DDX24: variants seen among roughly 807,000 people sequenced by gnomAD.
The protein encoded by DDX24 is ATP-dependent RNA helicase DDX24.
DDX24 carries 24 observed loss-of-function variants against 68.9 expected under a neutral mutation model. The ratio of observed to expected loss-of-function variants is 0.35; its 90% CI spans 0.25 to 0.49. The LOEUF (loss-of-function observed/expected upper bound fraction) is 0.49. Ranked by LOEUF, DDX24 falls within the 20% of genes least tolerant of loss-of-function variation. The probability of loss-of-function intolerance (pLI) is 0.99; values close to 1 mark genes in which losing one functional copy is unlikely to be tolerated. For synonymous variants in DDX24, 395 were observed against 385.2 expected, an observed-to-expected ratio of 1.03 and a Z score of -0.30; for missense variants, 989 against 1,039.0, an observed-to-expected ratio of 0.95 and a Z score of 0.66.
chr14:94,060,662 G>A (rs1315944071), intron 4 of DDX24, 49 bp from the exon 5 acceptor site: 4 of 1,587,514 alleles, frequency 2.5e-6, no homozygotes, highest in East Asian at 4.5e-5. Context: ...GGGTTAAGAG[G>A]AATCATCTAT....
Position 94,079,754 on chromosome 14 carries a change from A to G in DDX24, c.-5-7T>C, listed in dbSNP as rs1000250016. ...TCCTTCAACTTCATGGTTGCTGAAA[A>G]GGAGATACATGTTCTATTAGGTTGG... is the stretch of plus-strand genomic sequence containing the variant. On this transcript the variant is annotated splice_polypyrimidine_tract_variant and splice_region_variant and intron_variant, in intron 1 of 8. Transcript: ENST00000621632. The G allele has an allele frequency of 6.2e-6, 10 of 1,610,658 alleles. No individual in the cohort carries two copies. The highest frequency in any genetic ancestry group is 8.5e-6 in the Non-Finnish European group (10 of 1,178,252).
At chr14:94,061,964 G>T in intron 3 of DDX24, 133 bp downstream of exon 3, 2 of 1,027,032 alleles carry the variant, frequency 1.9e-6, no homozygotes, top group Non-Finnish European at 2.7e-6. Context: ...TCAATTTTCT[G>T]TAGGGCTTAA....
chr14:94,055,004 C>T lies in DDX24; in HGVS notation c.2170G>A (p.Val724Met). ...TTTTAACTGCTTTCTACCTTGACCA[C>T]ATCCATGTATTTTGTCTGCACGGGG... ...LFPVQTKYMD[V>M]VKERIRLARQ... Residue 724 changes from valine to methionine, a missense_variant, in exon 7 of 9, where the codon GTG becomes ATG. By Grantham distance (21) the Val-to-Met change is conservative. Transcript: ENST00000621632. 1 of 1,614,088 alleles carries T rather than the reference C, an allele frequency of 6.2e-7. No homozygotes were observed. The highest frequency in any genetic ancestry group is 1.3e-5 in the African/African-American group (1 of 75,066).
rs1886019587 is a variant in DDX24 at position 94,079,652 on chromosome 14, C to T, written c.91G>A (p.Glu31Lys). 4 of 1,614,058 alleles carry T rather than the reference C, an allele frequency of 2.5e-6. No individual in the cohort carries two copies. Among genetic ancestry groups the T allele is most frequent in the Non-Finnish European group, 2.5e-6 (3 of 1,180,050 alleles). The change falls in exon 2 of 9, where the codon GAA becomes AAA. Residue 31 changes from glutamate to lysine, a missense_variant. This residue lies in a region of DDX24 where 295 missense variants were observed against 263.0 expected (regional missense o/e 1.12). Coordinates refer to ENST00000621632, the MANE Select transcript of DDX24 (RefSeq NM_020414.4). ...AACATATTTGGGTCAATCTTCACTT[C>T]CTTCCATTTTCCCACAACTTTGATT... Reference protein sequence around the residue: ...KGIKVVGKWKEVKIDPNMFAD... With the variant: ...KGIKVVGKWKKVKIDPNMFAD...
chr14:94,055,325 G>A, intron 6 of DDX24, 141 bp from the exon 7 acceptor site: 1 of 778,292 alleles, frequency 1.3e-6, no homozygotes, highest in Non-Finnish European at 2.0e-6. Flanking sequence ...GAGCAATCTA[G>A]CCCTCCTCTC....
chr14:94,064,646 C>G (rs887177541), intron 2 of DDX24, among the ~76,000 whole-genome samples: 9 of 152,208 alleles, frequency 5.9e-5, no homozygotes, highest in African/African-American at 2.2e-4. Context: ...CATGCCCTAC[C>G]TCTCCTGACT....
intron 5 of DDX24, 119 bp downstream of exon 5, chr14:94,059,979 C>T: frequency 1.7e-6 from 2 of 1,176,452 alleles, no homozygotes; most frequent in Non-Finnish European, 2.4e-6. Flanking sequence ...AGGCTACCTA[C>T]TACTGAGACA....
At chr14:94,073,765 C>CG (rs1885879676) in intron 2 of DDX24, among the ~76,000 whole-genome samples, 1 of 151,778 alleles carries the variant, frequency 6.6e-6, no homozygotes, top group African/African-American at 2.4e-5. Flanking sequence ...AATAAGTGGC[C>CG]GGGTGTGGCG....
rs537991653 is a variant in DDX24 at position 94,060,373 on chromosome 14, G to A, written c.1638C>T (p.Gly546=). ...TTGTGAGGTCAATGACCTTGGGCTT[G>A]CCCCTCATGCCAATTTTCTGCATAA... The part of the protein sequence containing the change: ...DLLMQKIGMR[G]KPKVIDLTRN... The change falls in exon 5 of 9, where the codon GGC becomes GGT. Residue 546 remains glycine (G), a synonymous_variant. Transcript: ENST00000621632. 6.2e-7 allele frequency: 1 copy of A among 1,614,150 alleles called. No homozygotes were observed. The highest frequency in any genetic ancestry group is 1.3e-5 in the African/African-American group (1 of 75,022).
Position 94,062,570 on chromosome 14 carries a change from T to A in DDX24, c.770A>T (p.Gln257Leu), listed in dbSNP as rs771330546. 2.2e-5 allele frequency: 35 copies of A among 1,613,422 alleles called. 1 individual carries two copies. The South Asian group carries it at 3.5e-4, about 16-fold the overall frequency. Residue 257 changes from glutamine to leucine, a missense_variant, in exon 3 of 9, where the codon CAG becomes CTG. By Grantham distance (113) the Gln-to-Leu change is moderately radical. Coordinates refer to ENST00000621632, the MANE Select transcript of DDX24 (RefSeq NM_020414.4). ...FAIPMIHAVL[Q>L]WQKRNAAPPP... ...AGGGGCAGCATTCCTCTTCTGCCAC[T>A]GCAACACCGCATGAATCATTGGGAT... is the stretch of plus-strand genomic sequence containing the variant.
At chr14:94,070,333 C>T (rs762675160) in intron 2 of DDX24, among the ~76,000 whole-genome samples, 2 of 151,034 alleles carry the variant, frequency 1.3e-5, no homozygotes, top group East Asian at 3.9e-4. Context: ...ACAAGGAAAA[C>T]TACAAAACAC....
intron 2 of DDX24, 99 bp from the exon 3 acceptor site, chr14:94,062,720 C>T: frequency 1.4e-6 from 2 of 1,429,996 alleles, no homozygotes; most frequent in South Asian, 1.4e-5. Context: ...ATAAGGTAGC[C>T]AAGTGCCACC....
intron 6 of DDX24, 41 bp from the exon 7 acceptor site, chr14:94,055,225 C>A (rs1469303937): frequency 6.3e-7 from 1 of 1,589,938 alleles, no homozygotes; most frequent in South Asian, 1.1e-5. Flanking sequence ...ATGGCCACTG[C>A]CAAACACTGG....
rs115595753 is a variant in DDX24, at chr14:94,053,400, G to A, written c.2179-273C>T. The A allele has an allele frequency of 8.7e-3, 2,949 of 340,040 alleles. 86 individuals carry two copies. Among genetic ancestry groups the A allele is most frequent in the African/African-American group, 0.074 (2,761 of 37,486 alleles). The allele number at this position is 340,040 out of a possible 1,614,324, so 21.1% of individuals were successfully genotyped here. A position where few individuals can be genotyped will look rare whatever the true frequency, so the allele number is the denominator to read the frequency against. Reference sequence around the variant, plus strand: ...TTTTTTTTTTTTTCGTAAAGACAGGGTCTCAACTGTGTTGTCTAGGCTGGT... The same window carrying A: ...TTTTTTTTTTTTTCGTAAAGACAGGATCTCAACTGTGTTGTCTAGGCTGGT... On this transcript the variant is annotated intron_variant, in intron 7 of 8. Coordinates refer to ENST00000621632, the MANE Select transcript of DDX24 (RefSeq NM_020414.4).
rs1198183601 is a variant in DDX24, at chr14:94,051,475, T to C, written c.2309-13A>G. Reference sequence around the variant, plus strand: ...TCAGCTTTTCCTCCTTGAAACACAATACAAAAACGATCCTATTTACTATGG... The same window carrying C: ...TCAGCTTTTCCTCCTTGAAACACAACACAAAAACGATCCTATTTACTATGG... On this transcript the variant is annotated splice_polypyrimidine_tract_variant and intron_variant, in intron 8 of 8. Transcript: ENST00000621632. The C allele has an allele frequency of 3.3e-6, 5 of 1,521,658 alleles. No individual in the cohort carries two copies. The highest frequency in any genetic ancestry group is 2.6e-6 in the Non-Finnish European group (3 of 1,137,980). The allele number at this position is 1,521,658 out of a possible 1,614,324, so 94.3% of individuals were successfully genotyped here. A position where few individuals can be genotyped will look rare whatever the true frequency, so the allele number is the denominator to read the frequency against.
chr14:94,075,770 A>G (rs1265124066), intron 2 of DDX24, among the ~76,000 whole-genome samples: 1 of 152,246 alleles, frequency 6.6e-6, no homozygotes, highest in East Asian at 1.9e-4. Flanking sequence ...CTGATAAAGG[A>G]CATGTATCTA....
At chr14:94,053,269 T>C (rs1885423740) in intron 7 of DDX24, 142 bp from the exon 8 acceptor site, 2 of 1,042,538 alleles carry the variant, frequency 1.9e-6, no homozygotes, top group Non-Finnish European at 2.7e-6. Flanking sequence ...TGATCATGGC[T>C]CACTGCAGCC....
At chr14:94,078,029 A>T (rs913594139) in intron 2 of DDX24, among the ~76,000 whole-genome samples, 5 of 128,150 alleles carry the variant, frequency 3.9e-5, no homozygotes, top group Non-Finnish European at 3.1e-5. Context: ...TCGGGGGGGT[A>T]AAAAAAAAAA....
chr14:94,065,785 C>G (rs955502989), intron 2 of DDX24, among the ~76,000 whole-genome samples: 1 of 139,204 alleles, frequency 7.2e-6, no homozygotes, highest in Non-Finnish European at 1.5e-5. Flanking sequence ...TTACCTGGAG[C>G]TGAGTCAAGT....
Sources: gnomAD v4.1 joint callset for allele counts (sites outside exome capture counted in the v4.1 genomes callset) on GRCh38, gnomAD v4.1.1 for gene constraint, gnomAD v4.1.1 regional missense constraint, MANE v1.5 for transcripts, NCBI Gene and HGNC (gene_info 2026-07-23, HGNC 2026-07-21) for gene names.